The following SIPA1L1 variants were observed in gnomAD, a reference collection of about 807,000 sequenced individuals.
The protein encoded by SIPA1L1 is signal induced proliferation associated 1 like 1, also known as signal-induced proliferation-associated 1-like protein 1.
In SIPA1L1, 26 loss-of-function variants were observed where a neutral mutation model predicts 162.7. The ratio of observed to expected loss-of-function variants is 0.16; its 90% confidence interval spans 0.12 to 0.22. The LOEUF (loss-of-function observed/expected upper bound fraction) is 0.22, where lower values mean the gene tolerates loss of function less well. Ranked by LOEUF, SIPA1L1 falls within the 10% of genes least tolerant of loss-of-function variation. SIPA1L1 has a pLI of 1.00. For synonymous variants in SIPA1L1, 829 were observed against 837.4 expected, an observed-to-expected ratio of 0.99 and a Z score of 0.17; for missense variants, 1,874 against 2,241.0, an observed-to-expected ratio of 0.84 and a Z score of 3.31.
intron 2 of SIPA1L1, among the ~76,000 whole-genome samples, chr14:71,437,814 G>A (rs2044515164): frequency 6.6e-6 from 1 of 152,220 alleles, no homozygotes; most frequent in Admixed American, 6.5e-5. Context: ...AATTAGCAAG[G>A]CATCATGCAT....
intron 5 of SIPA1L1, among the ~76,000 whole-genome samples, chr14:71,600,748 G>A (rs912647682): frequency 3.9e-5 from 6 of 151,966 alleles, no homozygotes; most frequent in African/African-American, 9.7e-5. Context: ...CTTCAATTTC[G>A]TTCAACAGTG....
intron 2 of SIPA1L1, among the ~76,000 whole-genome samples, chr14:71,362,941 T>C (rs1036548910): frequency 2.6e-5 from 4 of 152,256 alleles, no homozygotes; most frequent in African/African-American, 9.6e-5. Context: ...GATTTCCATC[T>C]GTTTGGTATT....
chr14:71,713,878 A>G (rs2083064071), intron 17 of SIPA1L1, among the ~76,000 whole-genome samples: 1 of 151,752 alleles, frequency 6.6e-6, no homozygotes, highest in South Asian at 2.1e-4. Flanking sequence ...CTGCCTGGAA[A>G]TGTTTTTTTT....
chr14:71,508,809 T>A, intron 2 of SIPA1L1, among the ~76,000 whole-genome samples: 1 of 152,212 alleles, frequency 6.6e-6, no homozygotes, highest in East Asian at 1.9e-4. Context: ...TGTTGCTGAT[T>A]TTCATGGGAT....
intron 2 of SIPA1L1, among the ~76,000 whole-genome samples, chr14:71,488,934 G>A (rs1033111709): frequency 6.6e-6 from 1 of 152,198 alleles, no homozygotes. Context: ...TATCAGTTAT[G>A]TGAAGAAGTA....
At chr14:71,561,940 G>A (rs1037985229) in intron 4 of SIPA1L1, among the ~76,000 whole-genome samples, 2 of 152,044 alleles carry the variant, frequency 1.3e-5, no homozygotes, top group Middle Eastern at 3.2e-3. Context: ...GCATTCTTCT[G>A]TTCTTGATTA....
At chr14:71,631,091 G>C (rs987836148) in intron 7 of SIPA1L1, among the ~76,000 whole-genome samples, 4 of 151,908 alleles carry the variant, frequency 2.6e-5, no homozygotes, top group Non-Finnish European at 5.9e-5. Flanking sequence ...TCATTGTTCA[G>C]TTCCCACCTA....
intron 7 of SIPA1L1, among the ~76,000 whole-genome samples, chr14:71,625,233 T>G (rs561808569): frequency 5.3e-5 from 8 of 152,274 alleles, no homozygotes; most frequent in African/African-American, 1.9e-4. Context: ...TAAGGTATAT[T>G]TATTGTTTTA....
At chr14:71,526,378 A>G (rs1049468000) in intron 3 of SIPA1L1, among the ~76,000 whole-genome samples, 15 of 152,160 alleles carry the variant, frequency 9.9e-5, no homozygotes, top group African/African-American at 3.4e-4. Flanking sequence ...CACTCAGTGG[A>G]AACTATTATT....
chr14:71,414,795 A>G (rs2140377775), intron 2 of SIPA1L1, among the ~76,000 whole-genome samples: 1 of 152,298 alleles, frequency 6.6e-6, no homozygotes, highest in African/African-American at 2.4e-5. Flanking sequence ...CAGATGATCT[A>G]CCCTTTGACT....
intron 20 of SIPA1L1, among the ~76,000 whole-genome samples, chr14:71,732,342 G>C (rs2084869595): frequency 6.6e-6 from 1 of 152,194 alleles, no homozygotes; most frequent in South Asian, 2.1e-4. Flanking sequence ...GCATGGACCT[G>C]AGTGTCGCAG....
intron 2 of SIPA1L1, among the ~76,000 whole-genome samples, chr14:71,483,653 C>T (rs2048514689): frequency 6.6e-6 from 1 of 152,194 alleles, no homozygotes; most frequent in African/African-American, 2.4e-5. Context: ...CCCACCCCTG[C>T]ACCCATTTCA....
At chr14:71,726,791 T>TCAGATG (rs2084281813) in intron 19 of SIPA1L1, among the ~76,000 whole-genome samples, 1 of 152,154 alleles carries the variant, frequency 6.6e-6, no homozygotes, top group East Asian at 1.9e-4. Context: ...GAGTTCAGCT[T>TCAGATG]AGTAGCTCCC....
chr14:71,631,382 C>T (rs538160075), intron 7 of SIPA1L1, among the ~76,000 whole-genome samples: 1 of 152,240 alleles, frequency 6.6e-6, no homozygotes, highest in South Asian at 2.1e-4. Flanking sequence ...TTTTGTTGTA[C>T]TGCTGTGCCA....
At chr14:71,380,398 A>G (rs1033489148) in intron 2 of SIPA1L1, among the ~76,000 whole-genome samples, 1 of 152,204 alleles carries the variant, frequency 6.6e-6, no homozygotes, top group Non-Finnish European at 1.5e-5. Context: ...AGCTGCCCAA[A>G]TATGGTACTT....
chr14:71,707,683 A>AT, intron 16 of SIPA1L1, among the ~76,000 whole-genome samples: 1 of 151,764 alleles, frequency 6.6e-6, no homozygotes, highest in East Asian at 1.9e-4. Flanking sequence ...GATATACCCT[A>AT]TTTTTTAATC....
chr14:71,406,487 C>T lies in SIPA1L1; in HGVS notation c.-465+85306C>T, dbSNP rs1417126388. 2.0e-5 allele frequency among the ~76,000 whole-genome samples: 3 copies of T among 152,158 alleles called. No homozygotes were observed. The South Asian group carries it at 6.2e-4, about 32-fold the overall frequency. Reference sequence around the variant, plus strand: ...GCTTTTCTGGGAAGAACACCTTTCTCGTGTCTTCATGGTTATCAAATCAAT... The same window carrying T: ...GCTTTTCTGGGAAGAACACCTTTCTTGTGTCTTCATGGTTATCAAATCAAT... On this transcript the variant is annotated intron_variant, in intron 2 of 23. Transcript: ENST00000381232.
intron 5 of SIPA1L1, among the ~76,000 whole-genome samples, chr14:71,613,368 CTT>C (rs78326051): frequency 5.7e-5 from 8 of 140,054 alleles, no homozygotes; most frequent in Admixed American, 1.4e-4. Context: ...AAGGAAGTAC[CTT>C]TTTTTTTTTT....
chr14:71,526,022 G>C (rs937519755), intron 3 of SIPA1L1, among the ~76,000 whole-genome samples: 1 of 152,142 alleles, frequency 6.6e-6, no homozygotes, highest in Non-Finnish European at 1.5e-5. Context: ...GAGTTTAGTT[G>C]CAATGCAGAC....
Sources: gnomAD v4.1 joint callset for allele counts (sites outside exome capture counted in the v4.1 genomes callset) on GRCh38, gnomAD v4.1.1 for gene constraint, MANE v1.5 for transcripts, NCBI Gene and HGNC (gene_info 2026-07-23, HGNC 2026-07-21) for gene names.